Variants in KIAA0825 observed in about 807,000 individuals in gnomAD.
KIAA0825 encodes uncharacterized protein KIAA0825.
KIAA0825 carries 119 observed loss-of-function variants against 147.6 expected under a neutral mutation model. The observed-to-expected ratio is 0.81, with a 90% CI of 0.69 to 0.94. The LOEUF (loss-of-function observed/expected upper bound fraction) is 0.94. Among genes scored for constraint, KIAA0825 ranks in the 40% least tolerant of loss-of-function variants. The pLI, the probability that KIAA0825 is intolerant of heterozygous loss-of-function variation, is 0.00. For missense variants in KIAA0825, 1,381 were observed against 1,472.7 expected (o/e 0.94, Z 1.02); for synonymous variants, 470 against 518.1 (o/e 0.91, Z 1.26).
chr5:94,227,479 A>G (rs950393960), intron 20 of KIAA0825, among the ~76,000 whole-genome samples: 5 of 152,040 alleles, frequency 3.3e-5, no homozygotes, highest in Non-Finnish European at 2.9e-5. Context: ...GCACACCAGC[A>G]TGGCACATGT....
At chr5:94,458,305 T>C (rs1468386363) in intron 12 of KIAA0825, among the ~76,000 whole-genome samples, 1 of 152,132 alleles carries the variant, frequency 6.6e-6, no homozygotes, top group African/African-American at 2.4e-5. Context: ...TGGCCCATAG[T>C]AGATTCATGG....
chr5:94,221,646 C>T (rs1773674994), intron 20 of KIAA0825, among the ~76,000 whole-genome samples: 3 of 152,252 alleles, frequency 2.0e-5, no homozygotes, highest in East Asian at 3.9e-4. Flanking sequence ...TCCACTCTGT[C>T]ACAAACAGGC....
chr5:94,560,498 T>C (rs939123539), intron 2 of KIAA0825, among the ~76,000 whole-genome samples: 1 of 152,184 alleles, frequency 6.6e-6, no homozygotes, highest in Non-Finnish European at 1.5e-5. Flanking sequence ...TATGGCCTGA[T>C]AGTTTTTACA....
intron 20 of KIAA0825, among the ~76,000 whole-genome samples, chr5:94,296,941 G>A (rs1778165274): frequency 6.6e-6 from 1 of 152,130 alleles, no homozygotes; most frequent in Non-Finnish European, 1.5e-5. Context: ...ACTAAATAAT[G>A]TCAGTAATAA....
chr5:94,299,026 T>A (rs1260101301), intron 20 of KIAA0825, among the ~76,000 whole-genome samples: 1 of 152,162 alleles, frequency 6.6e-6, no homozygotes, highest in Non-Finnish European at 1.5e-5. Context: ...AACTCACAAC[T>A]TTCTCTTCAG....
intron 13 of KIAA0825, among the ~76,000 whole-genome samples, chr5:94,445,169 T>A (rs1757572477): frequency 6.6e-6 from 1 of 152,004 alleles, no homozygotes; most frequent in Non-Finnish European, 1.5e-5. Context: ...TTACAGGGAG[T>A]TCAGAAAAAG....
intron 20 of KIAA0825, among the ~76,000 whole-genome samples, chr5:94,204,046 G>T (rs1188094627): frequency 6.6e-6 from 1 of 152,130 alleles, no homozygotes; most frequent in East Asian, 1.9e-4. Context: ...AGATACATCT[G>T]TGAATAACTA....
rs142071904 is a variant in KIAA0825, at chr5:94,343,938, T to C, written c.3710+40430A>G. ...AAAAATGTTCCACATCATCAGTAATTATTAGAATGGTGAAAAGCACATTTG... is the reference window on the plus strand; with the variant it reads ...AAAAATGTTCCACATCATCAGTAATCATTAGAATGGTGAAAAGCACATTTG... On this transcript the variant is annotated intron_variant, in intron 20 of 20. Coordinates refer to ENST00000682413, the MANE Select transcript of KIAA0825 (RefSeq NM_001145678.3). 2.7e-3 allele frequency among the ~76,000 whole-genome samples: 417 copies of C among 152,262 alleles called. 1 individual carries two copies. The highest frequency in any genetic ancestry group is 9.4e-3 in the African/African-American group (389 of 41,562).
intron 20 of KIAA0825, among the ~76,000 whole-genome samples, chr5:94,346,118 T>C (rs1782959211): frequency 6.6e-6 from 1 of 152,178 alleles, no homozygotes; most frequent in South Asian, 2.1e-4. Context: ...AGTTTTTACT[T>C]CTTCTTTCTT....
intron 16 of KIAA0825, among the ~76,000 whole-genome samples, chr5:94,398,228 C>T (rs1750927302): frequency 6.6e-6 from 1 of 152,140 alleles, no homozygotes; most frequent in African/African-American, 2.4e-5. Context: ...CTATGTCCAG[C>T]TCTTCTCCTG....
At chr5:94,565,271 C>A (rs1561323595) in intron 2 of KIAA0825, among the ~76,000 whole-genome samples, 1 of 150,482 alleles carries the variant, frequency 6.6e-6, no homozygotes, top group Non-Finnish European at 1.5e-5. Flanking sequence ...CTAACTCATT[C>A]TCTATCTGCT....
chr5:94,364,185 C>G lies in KIAA0825; in HGVS notation c.3710+20183G>C, dbSNP rs1584261258. Among the ~76,000 whole-genome samples, 3 of 151,614 alleles carry G rather than the reference C, an allele frequency of 2.0e-5. No homozygotes were observed. The South Asian group carries it at 6.3e-4, about 32-fold the overall frequency. On this transcript the variant is annotated intron_variant, in intron 20 of 20. Transcript: ENST00000682413. ...CGTATATAATGTAGTGTATAAATGCCCCGAGAATTGGGAAGACAGAAGGTT... is the reference window on the plus strand; with the variant it reads ...CGTATATAATGTAGTGTATAAATGCGCCGAGAATTGGGAAGACAGAAGGTT...
chr5:94,238,776 A>G (rs1345968473), intron 20 of KIAA0825, among the ~76,000 whole-genome samples: 2 of 151,668 alleles, frequency 1.3e-5, no homozygotes, highest in East Asian at 3.9e-4. Context: ...GTCTTCCCCC[A>G]TTTCTTTCTT....
intron 20 of KIAA0825, among the ~76,000 whole-genome samples, chr5:94,213,948 A>G (rs1278894471): frequency 2.5e-4 from 38 of 152,212 alleles, no homozygotes; most frequent in Non-Finnish European, 4.4e-5. Context: ...CCAGGATGAT[A>G]GGAACTGTGT....
chr5:94,289,082 T>C (rs1777775144), intron 20 of KIAA0825, among the ~76,000 whole-genome samples: 1 of 152,156 alleles, frequency 6.6e-6, no homozygotes, highest in Non-Finnish European at 1.5e-5. Flanking sequence ...CAGTACCCTT[T>C]TGTGTAACAG....
chr5:94,205,428 A>C (rs987311469), intron 20 of KIAA0825, among the ~76,000 whole-genome samples: 1 of 151,022 alleles, frequency 6.6e-6, no homozygotes, highest in Non-Finnish European at 1.5e-5. Context: ...CAGCCTCCCG[A>C]GTAGCTGGGA....
At chr5:94,520,969 T>C in intron 4 of KIAA0825, 52 bp from the exon 5 acceptor site, 1 of 1,346,902 alleles carries the variant, frequency 7.4e-7, no homozygotes, top group Non-Finnish European at 1.0e-6. Flanking sequence ...GAAAAAATGA[T>C]TTCTATAGTC....
At chr5:94,490,115 G>A (rs1011832368) in intron 5 of KIAA0825, among the ~76,000 whole-genome samples, 2 of 152,078 alleles carry the variant, frequency 1.3e-5, no homozygotes, top group Non-Finnish European at 2.9e-5. Flanking sequence ...CTAAAGAATA[G>A]TTGAAGTTCC....
At chr5:94,226,931 A>G (rs1305717013) in intron 20 of KIAA0825, among the ~76,000 whole-genome samples, 1 of 152,188 alleles carries the variant, frequency 6.6e-6, no homozygotes, top group Non-Finnish European at 1.5e-5. Context: ...GAATAGGAAC[A>G]CTTTTACATT....
Sources: gnomAD v4.1 joint callset for allele counts (sites outside exome capture counted in the v4.1 genomes callset) on GRCh38, gnomAD v4.1.1 for gene constraint, MANE v1.5 for transcripts, NCBI Gene and HGNC (gene_info 2026-07-23, HGNC 2026-07-21) for gene names.